Variants in SCFD2 observed in about 807,000 individuals in gnomAD.
SCFD2 encodes the protein sec1 family domain-containing protein 2.
A neutral mutation model predicts 58.9 loss-of-function variants in SCFD2; 54 were observed. That is an observed-to-expected ratio of 0.92 (90% CI 0.74 to 1.15). SCFD2 has a LOEUF of 1.15. SCFD2 is among the 50% of genes most tolerant of loss of function. SCFD2 has a pLI of 0.00. For missense variants in SCFD2, 805 were observed against 836.6 expected, an observed-to-expected ratio of 0.96 and a Z score of 0.47; for synonymous variants, 321 against 335.9, an observed-to-expected ratio of 0.96 and a Z score of 0.49.
intron 4 of SCFD2, among the ~76,000 whole-genome samples, chr4:53,228,338 T>G (rs1224831226): frequency 2.0e-5 from 3 of 152,124 alleles, no homozygotes; most frequent in Non-Finnish European, 2.9e-5. Flanking sequence ...TTGATACATT[T>G]CTGACAACAT....
At chr4:53,116,274 G>C (rs1309216091) in intron 5 of SCFD2, among the ~76,000 whole-genome samples, 1 of 152,152 alleles carries the variant, frequency 6.6e-6, no homozygotes, top group Non-Finnish European at 1.5e-5. Context: ...CACATTAAAT[G>C]TTCATAGTGA....
At chr4:53,338,718 C>T (rs1456712355) in intron 2 of SCFD2, among the ~76,000 whole-genome samples, 22 of 150,304 alleles carry the variant, frequency 1.5e-4, no homozygotes, top group Admixed American at 1.5e-3. Context: ...GTAGCTGGGA[C>T]CACAGGCACC....
At chr4:53,343,771 C>A (rs902999532) in intron 2 of SCFD2, among the ~76,000 whole-genome samples, 1 of 152,200 alleles carries the variant, frequency 6.6e-6, no homozygotes, top group Admixed American at 6.5e-5. Context: ...AAGTGGGCTT[C>A]ATCTCTGGGA....
chr4:53,035,520 T>C (rs1453664686), intron 5 of SCFD2, among the ~76,000 whole-genome samples: 3 of 152,040 alleles, frequency 2.0e-5, no homozygotes, highest in Non-Finnish European at 4.4e-5. Flanking sequence ...AAAGAAACTA[T>C]CATCAGAGTG....
intron 4 of SCFD2, among the ~76,000 whole-genome samples, chr4:53,147,542 G>C (rs143492539): frequency 6.6e-6 from 1 of 152,174 alleles, no homozygotes; most frequent in Admixed American, 6.5e-5. Context: ...GGAAAAGAAC[G>C]CAACAGAGAT....
At chr4:53,274,105 C>T (rs1342461449) in intron 3 of SCFD2, 104 bp from the exon 4 acceptor site, 1 of 943,208 alleles carries the variant, frequency 1.1e-6, no homozygotes, top group Non-Finnish European at 1.5e-6. Context: ...GGCAGAACTT[C>T]AGAGCTGACT....
At chr4:53,135,430 C>G (rs1725907100) in intron 5 of SCFD2, among the ~76,000 whole-genome samples, 1 of 152,092 alleles carries the variant, frequency 6.6e-6, no homozygotes, top group Admixed American at 6.5e-5. Context: ...CTCATGCTTC[C>G]CTGGCAAAAA....
chr4:53,295,376 C>A (rs1369395627), intron 3 of SCFD2, among the ~76,000 whole-genome samples: 3 of 151,886 alleles, frequency 2.0e-5, no homozygotes, highest in African/African-American at 7.3e-5. Flanking sequence ...AGTTGAATTC[C>A]AATTATTTTA....
chr4:53,357,907 C>T (rs1384391298), intron 1 of SCFD2, among the ~76,000 whole-genome samples: 1 of 152,160 alleles, frequency 6.6e-6, no homozygotes, highest in East Asian at 1.9e-4. Context: ...GAGCAAACTG[C>T]CAAGGTTCAA....
At chr4:53,300,900 A>G (rs1324288072) in intron 3 of SCFD2, among the ~76,000 whole-genome samples, 1 of 152,194 alleles carries the variant, frequency 6.6e-6, no homozygotes, top group Non-Finnish European at 1.5e-5. Flanking sequence ...TTTGAAACCA[A>G]CGACAACAAA....
intron 2 of SCFD2, among the ~76,000 whole-genome samples, chr4:53,343,349 C>T (rs1034684807): frequency 7.9e-5 from 12 of 152,080 alleles, no homozygotes; most frequent in African/African-American, 2.2e-4. Context: ...ACTAGAAAAC[C>T]TAGAAGAAAT....
intron 4 of SCFD2, among the ~76,000 whole-genome samples, chr4:53,213,946 G>C (rs1277147701): frequency 1.3e-5 from 2 of 151,958 alleles, no homozygotes; most frequent in Non-Finnish European, 2.9e-5. Flanking sequence ...GAGAATGATG[G>C]TTTCCAGCTT....
chr4:53,054,695 C>T (rs1346809432), intron 5 of SCFD2, among the ~76,000 whole-genome samples: 1 of 151,876 alleles, frequency 6.6e-6, no homozygotes, highest in Non-Finnish European at 1.5e-5. Context: ...CTCTATCACC[C>T]AGGCTGGAGT....
chr4:53,148,546 C>T (rs1289750824), intron 4 of SCFD2, among the ~76,000 whole-genome samples: 1 of 152,196 alleles, frequency 6.6e-6, no homozygotes, highest in East Asian at 1.9e-4. Flanking sequence ...TTCTCAGGAT[C>T]TCTTCTTTCT....
intron 4 of SCFD2, among the ~76,000 whole-genome samples, chr4:53,238,780 G>C (rs1363610135): frequency 1.3e-5 from 2 of 151,052 alleles, no homozygotes; most frequent in Non-Finnish European, 2.9e-5. Flanking sequence ...GGGCAGAGAC[G>C]CTCCTCACTT....
rs765549441 is a variant in SCFD2 at position 52,951,815 on chromosome 4, T to G, written c.1562-30945A>C. 7.9e-5 allele frequency among the ~76,000 whole-genome samples: 12 copies of G among 152,210 alleles called. 1 individual carries two copies. The highest frequency in any genetic ancestry group is 1.6e-4 in the Non-Finnish European group (11 of 68,034). ...AAAGTATGTGAAACACAAACCTCAC[T>G]GAGCCATATTGAACATGTAAAATCA... On this transcript the variant is annotated intron_variant, in intron 5 of 8. Transcript: ENST00000401642.
intron 4 of SCFD2, among the ~76,000 whole-genome samples, chr4:53,204,719 A>G (rs573869943): frequency 6.8e-6 from 1 of 146,984 alleles, no homozygotes; most frequent in African/African-American, 2.5e-5. Flanking sequence ...AGCATACTAG[A>G]TGAAAACAGA....
intron 5 of SCFD2, among the ~76,000 whole-genome samples, chr4:52,954,339 T>A (rs1167826155): frequency 6.6e-6 from 1 of 152,198 alleles, no homozygotes; most frequent in African/African-American, 2.4e-5. Flanking sequence ...TAGCCTCATC[T>A]TCCCATCTTC....
chr4:53,359,310 T>A (rs1470407283), intron 1 of SCFD2, among the ~76,000 whole-genome samples: 3 of 152,212 alleles, frequency 2.0e-5, no homozygotes, highest in Admixed American at 1.3e-4. Flanking sequence ...ATATTTAGCA[T>A]CTAATAACAT....
Sources: allele counts gnomAD v4.1 joint callset (sites outside exome capture counted in the v4.1 genomes callset), GRCh38; gene constraint gnomAD v4.1.1; transcripts MANE v1.5; gene names NCBI Gene and HGNC (gene_info 2026-07-23, HGNC 2026-07-21).